Variants in FSIP1 observed in about 807,000 individuals in gnomAD.
FSIP1 encodes fibrous sheath interacting protein 1.
A neutral mutation model predicts 60.9 loss-of-function variants in FSIP1; 65 were observed. The ratio of observed to expected loss-of-function variants is 1.07; its 90% CI spans 0.87 to 1.31. The LOEUF (loss-of-function observed/expected upper bound fraction) is 1.31. FSIP1 is among the 40% of genes most tolerant of loss of function. The pLI is 0.00. For synonymous variants in FSIP1, 209 were observed against 221.2 expected, an observed-to-expected ratio of 0.94 and a Z score of 0.49; for missense variants, 675 against 665.5, an observed-to-expected ratio of 1.01 and a Z score of -0.16.
chr15:39,722,882 A>G (rs867099931), intron 9 of FSIP1, among the ~76,000 whole-genome samples: 6 of 151,906 alleles, frequency 3.9e-5, no homozygotes, highest in Middle Eastern at 3.2e-3. Flanking sequence ...GCAAGCCATG[A>G]TTGCACCACT....
At chr15:39,723,826 T>TA (rs1487768713) in intron 9 of FSIP1, among the ~76,000 whole-genome samples, 1 of 152,244 alleles carries the variant, frequency 6.6e-6, no homozygotes, top group Non-Finnish European at 1.5e-5. Context: ...AGATACAGTG[T>TA]ATTTATACAA....
intron 7 of FSIP1, among the ~76,000 whole-genome samples, chr15:39,739,264 T>C (rs1180425740): frequency 3.9e-5 from 6 of 152,150 alleles, no homozygotes. Context: ...GCATTTTCCA[T>C]TCAAAGTTCT....
intron 10 of FSIP1, among the ~76,000 whole-genome samples, chr15:39,696,870 CTGTGTGTGTGTGTGTGTG>C (rs67940382): frequency 0.04 from 4,475 of 111,792 alleles, 290 homozygotes; most frequent in South Asian, 0.078. Context: ...GAAGGGGTGT[CTGTGTGTGTGTGTGTGTG>C]TGTGTGTGTG....
chr15:39,647,288 T>A (rs1011266762), intron 10 of FSIP1, among the ~76,000 whole-genome samples: 2 of 152,248 alleles, frequency 1.3e-5, no homozygotes, highest in Non-Finnish European at 2.9e-5. Flanking sequence ...AGGGTAACTA[T>A]GTGAAATGAA....
chr15:39,723,552 A>G (rs1379703164), intron 9 of FSIP1, among the ~76,000 whole-genome samples: 1 of 149,930 alleles, frequency 6.7e-6, no homozygotes, highest in Non-Finnish European at 1.5e-5. Context: ...TTTTATTCCA[A>G]AGTATTTTAT....
chr15:39,615,496 G>A (rs1412629097), intron 11 of FSIP1, among the ~76,000 whole-genome samples: 1 of 151,534 alleles, frequency 6.6e-6, no homozygotes, highest in Admixed American at 6.6e-5. Context: ...TGGCCAACAG[G>A]TTCATGAAAA....
chr15:39,753,955 TAGCTAAC>T (rs1566914325), intron 5 of FSIP1, among the ~76,000 whole-genome samples: 2 of 19,466 alleles, frequency 1.0e-4, no homozygotes, highest in Non-Finnish European at 4.8e-4. Context: ...GACCTATGCA[TAGCTAAC>T]AGATGTATGA....
intron 2 of FSIP1, among the ~76,000 whole-genome samples, chr15:39,771,080 T>G (rs372018303): frequency 6.6e-6 from 1 of 152,252 alleles, no homozygotes; most frequent in African/African-American, 2.4e-5. Flanking sequence ...TCTATGTTAT[T>G]CACAGTTTTT....
intron 3 of FSIP1, among the ~76,000 whole-genome samples, chr15:39,765,959 T>A (rs1329526946): frequency 6.6e-6 from 1 of 152,230 alleles, no homozygotes; most frequent in African/African-American, 2.4e-5. Flanking sequence ...CATTTATCTC[T>A]ATTTTACAGT....
At chr15:39,646,898 AAGG>A (rs1458010714) in intron 10 of FSIP1, among the ~76,000 whole-genome samples, 16 of 152,212 alleles carry the variant, frequency 1.1e-4, no homozygotes, top group African/African-American at 3.9e-4. Flanking sequence ...AGCCTTAAAA[AAGG>A]AGATCCTGCC....
intron 5 of FSIP1, among the ~76,000 whole-genome samples, chr15:39,744,138 T>A (rs922808553): frequency 2.0e-5 from 3 of 152,080 alleles, no homozygotes; most frequent in Non-Finnish European, 4.4e-5. Context: ...GAAAAGAGAA[T>A]GTGGTAAAAT....
intron 9 of FSIP1, among the ~76,000 whole-genome samples, chr15:39,718,402 A>C (rs1015487663): frequency 7.2e-5 from 11 of 151,954 alleles, no homozygotes; most frequent in Admixed American, 2.0e-4. Flanking sequence ...CTTGGCAAAA[A>C]TCCTGATGAT....
intron 1 of FSIP1, among the ~76,000 whole-genome samples, chr15:39,780,060 G>A (rs1358271190): frequency 6.6e-6 from 1 of 152,184 alleles, no homozygotes; most frequent in Non-Finnish European, 1.5e-5. Context: ...ATATCAAAAT[G>A]TTTTAAGTCA....
At chr15:39,756,900 G>A (rs960651025) in intron 5 of FSIP1, among the ~76,000 whole-genome samples, 1 of 152,028 alleles carries the variant, frequency 6.6e-6, no homozygotes, top group East Asian at 1.9e-4. Context: ...AGAACATCAG[G>A]ACTAATCTAA....
chr15:39,722,994 G>A (rs1389850516), intron 9 of FSIP1, among the ~76,000 whole-genome samples: 3 of 151,566 alleles, frequency 2.0e-5, no homozygotes, highest in Admixed American at 6.6e-5. Flanking sequence ...AGTTTTCTAC[G>A]TATACTCAAT....
At chr15:39,679,801 C>T (rs1894086563) in intron 10 of FSIP1, among the ~76,000 whole-genome samples, 1 of 152,190 alleles carries the variant, frequency 6.6e-6, no homozygotes, top group South Asian at 2.1e-4. Context: ...AACGTCATCA[C>T]AGGCATCTCC....
intron 10 of FSIP1, among the ~76,000 whole-genome samples, chr15:39,702,003 C>T (rs2140525704): frequency 6.6e-6 from 1 of 152,286 alleles, no homozygotes. Context: ...CAACTTGGCC[C>T]TACAGGTGGT....
chr15:39,635,200 T>C (rs1465025118), intron 10 of FSIP1, among the ~76,000 whole-genome samples: 1 of 152,054 alleles, frequency 6.6e-6, no homozygotes, highest in Non-Finnish European at 1.5e-5. Flanking sequence ...TGGAGCATGG[T>C]GGTGCATGCC....
intron 10 of FSIP1, among the ~76,000 whole-genome samples, chr15:39,685,096 T>C (rs16969563): frequency 0.025 from 3,809 of 152,286 alleles, 150 homozygotes; most frequent in African/African-American, 0.086. Context: ...ATGCAGCACA[T>C]ACTTTAAAAT....
Sources: gnomAD v4.1 joint callset for allele counts (sites outside exome capture counted in the v4.1 genomes callset) on GRCh38, gnomAD v4.1.1 for gene constraint, MANE v1.5 for transcripts, NCBI Gene and HGNC (gene_info 2026-07-23, HGNC 2026-07-21) for gene names.